SPATA17: variants seen among roughly 807,000 people sequenced by gnomAD.
SPATA17 encodes spermatogenesis associated 17, also known as spermatogenesis-associated protein 17.
A neutral mutation model predicts 62.2 loss-of-function variants in SPATA17; 53 were observed. The observed-to-expected ratio is 0.85, with a 90% CI of 0.68 to 1.07. The LOEUF (loss-of-function observed/expected upper bound fraction) is 1.07. Ranked by LOEUF, SPATA17 falls within the 50% of genes least tolerant of loss-of-function variation. The pLI is 0.00. For synonymous variants in SPATA17, 146 were observed against 146.8 expected, an observed-to-expected ratio of 0.99 and a Z score of 0.04; for missense variants, 466 against 425.5, an observed-to-expected ratio of 1.10 and a Z score of -0.84.
intron 4 of SPATA17, among the ~76,000 whole-genome samples, chr1:217,669,679 T>C (rs1313734246): frequency 2.6e-5 from 4 of 152,222 alleles, no homozygotes; most frequent in Non-Finnish European, 5.9e-5. Context: ...ATTGCTAAGC[T>C]ATTATAAATG....
chr1:217,812,075 G>C (rs1457247559), intron 9 of SPATA17, among the ~76,000 whole-genome samples: 2 of 152,068 alleles, frequency 1.3e-5, no homozygotes, highest in Non-Finnish European at 2.9e-5. Flanking sequence ...AGCCAAGAAG[G>C]CTCAAGCAAG....
chr1:217,828,983 A>C (rs959427034), intron 9 of SPATA17, among the ~76,000 whole-genome samples: 2 of 152,136 alleles, frequency 1.3e-5, no homozygotes, highest in Non-Finnish European at 2.9e-5. Flanking sequence ...ACCCTAGTAC[A>C]CTGTTGATGG....
rs1311398696 is a variant in SPATA17, at chr1:217,869,045, C to G, written c.*2026C>G. 6.6e-6 allele frequency: 1 copy of G among 152,242 alleles called. No homozygotes were observed. The highest frequency in any genetic ancestry group is 6.5e-5 in the Admixed American group (1 of 15,286). The allele number at this position is 152,242 out of a possible 1,614,324, so 9.4% of individuals were successfully genotyped here. A position where few individuals can be genotyped will look rare whatever the true frequency, so the allele number is the denominator to read the frequency against. ...CAAGGTTAAGGACATGCCCTTGACA[C>G]TGCACCTGTCAGTACAGGTCCTGAC... is the stretch of plus-strand genomic sequence containing the variant. On this transcript the variant is annotated 3_prime_UTR_variant, in exon 11 of 11. Coordinates refer to ENST00000366933, the MANE Select transcript of SPATA17 (RefSeq NM_138796.4).
chr1:217,673,749 A>G (rs971733387), intron 4 of SPATA17, among the ~76,000 whole-genome samples: 8 of 152,242 alleles, frequency 5.3e-5, no homozygotes, highest in African/African-American at 1.9e-4. Flanking sequence ...GGGCTTAGAG[A>G]GTCCGGTTCC....
intron 3 of SPATA17, among the ~76,000 whole-genome samples, chr1:217,653,868 T>C (rs1442861982): frequency 6.6e-6 from 1 of 152,224 alleles, no homozygotes; most frequent in African/African-American, 2.4e-5. Flanking sequence ...AAGAATTCCA[T>C]TGGCTACAGT....
intron 1 of SPATA17, 65 bp from the exon 2 acceptor site, chr1:217,648,817 C>A: frequency 2.2e-6 from 2 of 898,544 alleles, no homozygotes; most frequent in Non-Finnish European, 3.3e-6. Flanking sequence ...TCAAGTTTAA[C>A]AGGTTGACTT....
At chr1:217,788,072 A>G (rs982782120) in intron 8 of SPATA17, among the ~76,000 whole-genome samples, 1 of 152,108 alleles carries the variant, frequency 6.6e-6, no homozygotes, top group African/African-American at 2.4e-5. Flanking sequence ...TCAATGTTTA[A>G]TTTACCCATC....
rs1245104142 is a variant in SPATA17, at chr1:217,656,623, G to A, written c.240+5445G>A. On this transcript the variant is annotated intron_variant, in intron 3 of 10. Transcript: ENST00000366933. ...TTGTGTACACACTGCCTAACATAAGGCATGAAACAGAATCATAGTGGAATC... is the reference window on the plus strand; with the variant it reads ...TTGTGTACACACTGCCTAACATAAGACATGAAACAGAATCATAGTGGAATC... Among the ~76,000 whole-genome samples the A allele has an allele frequency of 2.0e-5, 3 of 152,052 alleles. No homozygotes were observed. In the East Asian group the frequency reaches 5.8e-4, roughly 29 times the overall value.
chr1:217,754,703 AC>A (rs1232387572), intron 6 of SPATA17, among the ~76,000 whole-genome samples: 3 of 152,002 alleles, frequency 2.0e-5, no homozygotes, highest in African/African-American at 7.2e-5. Flanking sequence ...AGATTGAAAA[AC>A]TTCATAATCT....
intron 5 of SPATA17, among the ~76,000 whole-genome samples, chr1:217,723,837 G>C (rs1672196484): frequency 6.6e-6 from 1 of 152,154 alleles, no homozygotes; most frequent in Admixed American, 6.5e-5. Flanking sequence ...CTGCATAACA[G>C]GAGTTAGATA....
intron 9 of SPATA17, among the ~76,000 whole-genome samples, chr1:217,844,385 AATG>A (rs1240377941): frequency 1.3e-5 from 2 of 152,048 alleles, no homozygotes; most frequent in African/African-American, 4.8e-5. Flanking sequence ...CAGGTAAAAG[AATG>A]ATGAAGACTT....
At chr1:217,775,651 G>A (rs1042442575) in intron 7 of SPATA17, among the ~76,000 whole-genome samples, 12 of 152,164 alleles carry the variant, frequency 7.9e-5, no homozygotes, top group Admixed American at 2.6e-4. Context: ...GCAGTGAGCC[G>A]AGATCGTGCC....
intron 5 of SPATA17, among the ~76,000 whole-genome samples, chr1:217,736,869 G>A (rs1571768819): frequency 6.6e-6 from 1 of 152,204 alleles, no homozygotes. Context: ...AAATGCAAAG[G>A]TCTGTGTATT....
intron 6 of SPATA17, among the ~76,000 whole-genome samples, chr1:217,760,684 C>G (rs1673151654): frequency 6.6e-6 from 1 of 152,116 alleles, no homozygotes; most frequent in African/African-American, 2.4e-5. Flanking sequence ...TTAACAAATG[C>G]CCAATTATAT....
In SPATA17 at chr1:217,648,882, T is replaced by A. The variant is rs1670245530; in HGVS notation, c.69T>A (p.Ser23Arg). The change falls in exon 2 of 11, where the codon AGT (serine) becomes AGA (arginine). Residue 23 changes from serine to arginine, a missense_variant and splice_region_variant. Ser to Arg is a moderately radical substitution (Grantham distance 110). Coordinates refer to ENST00000366933, the MANE Select transcript of SPATA17 (RefSeq NM_138796.4). Reference protein sequence around the residue: ...TVGNQYYFRNSVVDPFRKKEN... With the variant: ...TVGNQYYFRNRVVDPFRKKEN... ...GTGCTTTTTAAACATTTTGTTTTAGTGTTGTAGATCCATTTAGAAAAAAGG... is the reference window on the plus strand; with the variant it reads ...GTGCTTTTTAAACATTTTGTTTTAGAGTTGTAGATCCATTTAGAAAAAAGG... The A allele has an allele frequency of 6.3e-7, 1 of 1,591,644 alleles. No individual in the cohort carries two copies. Among genetic ancestry groups the A allele is most frequent in the Non-Finnish European group, 8.5e-7 (1 of 1,170,578 alleles).
chr1:217,804,001 C>T (rs575275377), intron 9 of SPATA17, among the ~76,000 whole-genome samples: 3 of 148,990 alleles, frequency 2.0e-5, no homozygotes, highest in Non-Finnish European at 4.5e-5. Flanking sequence ...CTGGGTAAAA[C>T]AGTAAGACTG....
chr1:217,719,548 T>C (rs10495072), intron 5 of SPATA17, among the ~76,000 whole-genome samples: 6,960 of 152,242 alleles, frequency 0.046, 240 homozygotes, highest in Middle Eastern at 0.11. Flanking sequence ...CATATAAAGT[T>C]TAAGTAAAGA....
At chr1:217,725,928 TA>T (rs1205963817) in intron 5 of SPATA17, among the ~76,000 whole-genome samples, 1 of 152,196 alleles carries the variant, frequency 6.6e-6, no homozygotes, top group Non-Finnish European at 1.5e-5. Flanking sequence ...GCTGTATTTT[TA>T]TTTGTTAATT....
chr1:217,677,835 C>T (rs1201153358), intron 4 of SPATA17, among the ~76,000 whole-genome samples: 2 of 152,068 alleles, frequency 1.3e-5, no homozygotes, highest in Non-Finnish European at 2.9e-5. Flanking sequence ...AATAATTATC[C>T]AGAATCTTTT....
Sources: allele counts gnomAD v4.1 joint callset (sites outside exome capture counted in the v4.1 genomes callset), GRCh38; gene constraint gnomAD v4.1.1; transcripts MANE v1.5; gene names NCBI Gene and HGNC (gene_info 2026-07-23, HGNC 2026-07-21).